Variants in KCNJ3 observed in about 807,000 individuals in gnomAD.
The protein encoded by KCNJ3 is potassium inwardly rectifying channel subfamily J member 3, also known as G protein-activated inward rectifier potassium channel 1.
A neutral mutation model predicts 39.2 loss-of-function variants in KCNJ3; 4 were observed. The ratio of observed to expected loss-of-function variants is 0.10; its 90% CI spans 0.05 to 0.23. The LOEUF (loss-of-function observed/expected upper bound fraction) is 0.23, where lower values mean the gene tolerates loss of function less well. Ranked by LOEUF, KCNJ3 falls within the 10% of genes least tolerant of loss-of-function variation. The pLI is 1.00. For missense variants in KCNJ3, 276 were observed against 634.9 expected (o/e 0.43, Z 6.08); for synonymous variants, 230 against 237.4 (o/e 0.97, Z 0.29).
intron 2 of KCNJ3, among the ~76,000 whole-genome samples, chr2:154,842,784 A>G (rs561513104): frequency 3.3e-5 from 5 of 149,884 alleles, no homozygotes; most frequent in Admixed American, 1.3e-4. Flanking sequence ...TTTTCTTTCC[A>G]TTTGCTTGGT....
At chr2:154,752,311 A>G (rs1685859820) in intron 2 of KCNJ3, among the ~76,000 whole-genome samples, 1 of 152,044 alleles carries the variant, frequency 6.6e-6, no homozygotes, top group South Asian at 2.1e-4. Context: ...AGGAAATGTG[A>G]TGGAAAAAAA....
chr2:154,802,273 T>C (rs751002348), intron 2 of KCNJ3, among the ~76,000 whole-genome samples: 7 of 151,914 alleles, frequency 4.6e-5, no homozygotes, highest in Non-Finnish European at 1.0e-4. Context: ...TGACATAAAA[T>C]GTGCTGTAAT....
chr2:154,800,791 T>C (rs1385618429), intron 2 of KCNJ3, among the ~76,000 whole-genome samples: 1 of 152,198 alleles, frequency 6.6e-6, no homozygotes, highest in African/African-American at 2.4e-5. Flanking sequence ...GTCACTGCTG[T>C]GCTGTTCTAT....
At chr2:154,745,088 A>G (rs954892366) in intron 2 of KCNJ3, among the ~76,000 whole-genome samples, 3 of 151,822 alleles carry the variant, frequency 2.0e-5, no homozygotes, top group Non-Finnish European at 4.4e-5. Context: ...CAGGGAACAC[A>G]CTCTACCTCA....
At chr2:154,752,827 T>C (rs1371262693) in intron 2 of KCNJ3, among the ~76,000 whole-genome samples, 1 of 152,052 alleles carries the variant, frequency 6.6e-6, no homozygotes, top group Non-Finnish European at 1.5e-5. Flanking sequence ...TAAAGGAAGT[T>C]ATTCATGATA....
Position 154,699,829 on chromosome 2 carries a change from T to C in KCNJ3, c.702+352T>C, listed in dbSNP as rs1179796104. Among the ~76,000 whole-genome samples the C allele has an allele frequency of 6.6e-6, 1 of 152,186 alleles. No individual in the cohort carries two copies. The highest frequency in any genetic ancestry group is 1.5e-5 in the Non-Finnish European group (1 of 68,036). On this transcript the variant is annotated intron_variant, in intron 1 of 2. Coordinates refer to ENST00000295101, the MANE Select transcript of KCNJ3 (RefSeq NM_002239.4). The surrounding 1 kb of genome is among the most constrained non-coding windows in gnomAD (Gnocchi z 6.4). ...TGCTTCGCTATTCAGAGCGATTTTA[T>C]TTGTTGTCTACACACTACCCCATTC...
intron 1 of KCNJ3, among the ~76,000 whole-genome samples, chr2:154,708,937 CAG>C (rs1047296615): frequency 6.6e-5 from 10 of 152,098 alleles, no homozygotes; most frequent in African/African-American, 2.2e-4. Context: ...CATGAAATGA[CAG>C]AGAAGCAAAT....
Position 154,805,481 on chromosome 2 carries a change from G to T in KCNJ3, c.920-49246G>T, listed in dbSNP as rs575540877. The stretch of plus-strand genomic sequence containing the variant: ...TCTCCTTCTGGTTAATTATTGAATG[G>T]TAGTGCAGGGATAATTTTAAAGTCA... On this transcript the variant is annotated intron_variant, in intron 2 of 2. Coordinates refer to ENST00000295101, the MANE Select transcript of KCNJ3 (RefSeq NM_002239.4). Among the ~76,000 whole-genome samples the T allele has an allele frequency of 2.6e-5, 4 of 152,226 alleles. No homozygotes were observed. The South Asian group carries it at 8.3e-4, about 32-fold the overall frequency.
At chr2:154,835,508 AAT>A (rs150666169) in intron 2 of KCNJ3, among the ~76,000 whole-genome samples, 15 of 135,796 alleles carry the variant, frequency 1.1e-4, no homozygotes, top group Admixed American at 7.9e-4. Context: ...TATATATCAA[AAT>A]ATATATATAT....
intron 2 of KCNJ3, among the ~76,000 whole-genome samples, chr2:154,845,462 A>C (rs576631187): frequency 6.6e-6 from 1 of 152,258 alleles, no homozygotes; most frequent in South Asian, 2.1e-4. Context: ...AGTCTGTTTC[A>C]ACAATAGTTT....
intron 2 of KCNJ3, among the ~76,000 whole-genome samples, chr2:154,778,660 TTTTTA>T (rs1686379915): frequency 6.6e-6 from 1 of 152,168 alleles, no homozygotes; most frequent in Non-Finnish European, 1.5e-5. Flanking sequence ...ACTGAGATAA[TTTTTA>T]TTTAATTATT....
At chr2:154,811,509 G>C (rs1415255478) in intron 2 of KCNJ3, among the ~76,000 whole-genome samples, 1 of 152,068 alleles carries the variant, frequency 6.6e-6, no homozygotes, top group African/African-American at 2.4e-5. Context: ...GGCCAGGCTG[G>C]TCTCGAACTC....
intron 2 of KCNJ3, among the ~76,000 whole-genome samples, chr2:154,817,617 CT>C (rs963651010): frequency 8.5e-5 from 13 of 152,306 alleles, no homozygotes; most frequent in African/African-American, 3.1e-4. Context: ...CCTCCCCTCT[CT>C]TTCTCTTAAG....
chr2:154,766,162 G>A (rs1464258625), intron 2 of KCNJ3, among the ~76,000 whole-genome samples: 1 of 152,142 alleles, frequency 6.6e-6, no homozygotes. Flanking sequence ...TTCTGCAAAA[G>A]GACGTAATGA....
rs538390772 is a variant in KCNJ3, at chr2:154,834,213, A to G, written c.920-20514A>G. 3.3e-5 allele frequency among the ~76,000 whole-genome samples: 5 copies of G among 152,226 alleles called. No individual in the cohort carries two copies. In the South Asian group the frequency reaches 8.3e-4, roughly 25 times the overall value. ...ACCTTACCAGCATTCGGTATTGTCA[A>G]TGTTTTGGATTTTAGCCATTTTGAT... On this transcript the variant is annotated intron_variant, in intron 2 of 2. Transcript: ENST00000295101.
At chr2:154,759,563 C>T (rs1181395649) in intron 2 of KCNJ3, among the ~76,000 whole-genome samples, 1 of 151,780 alleles carries the variant, frequency 6.6e-6, no homozygotes, top group African/African-American at 2.4e-5. Flanking sequence ...TAAAAAATAT[C>T]TATCTATAGA....
At chr2:154,821,635 ATTTTTTTTTT>A (rs71422263) in intron 2 of KCNJ3, among the ~76,000 whole-genome samples, 3 of 88,072 alleles carry the variant, frequency 3.4e-5, no homozygotes, top group South Asian at 4.5e-4. Context: ...AGAATATGTG[ATTTTTTTTTT>A]TTTTTTTTTT....
chr2:154,790,553 C>T (rs543038010), intron 2 of KCNJ3, among the ~76,000 whole-genome samples: 37 of 152,024 alleles, frequency 2.4e-4, no homozygotes, highest in Non-Finnish European at 5.1e-4. Context: ...CGTTGCATGT[C>T]TCTCATTTCT....
intron 2 of KCNJ3, among the ~76,000 whole-genome samples, chr2:154,739,067 A>T (rs1685597559): frequency 6.6e-6 from 1 of 152,102 alleles, no homozygotes; most frequent in Admixed American, 6.6e-5. Flanking sequence ...AAGAAAAAAT[A>T]ACTTTCAGAC....
Sources: gnomAD v4.1 joint callset for allele counts (sites outside exome capture counted in the v4.1 genomes callset) on GRCh38, gnomAD v4.1.1 for gene constraint, Gnocchi (gnomAD v3.1) non-coding constraint, MANE v1.5 for transcripts, NCBI Gene and HGNC (gene_info 2026-07-23, HGNC 2026-07-21) for gene names.